GATAD2B: variants seen among roughly 807,000 people sequenced by gnomAD.
GATAD2B encodes GATA zinc finger domain containing 2B, also known as transcriptional repressor p66-beta.
GATAD2B carries 8 observed loss-of-function variants against 64.3 expected under a neutral mutation model. The observed-to-expected ratio is 0.12, with a 90% CI of 0.07 to 0.22. GATAD2B has a LOEUF of 0.22. Ranked by LOEUF, GATAD2B falls within the 10% of genes least tolerant of loss-of-function variation. GATAD2B has a pLI of 1.00. For missense variants in GATAD2B, 453 were observed against 752.0 expected, an observed-to-expected ratio of 0.60 and a Z score of 4.65; for synonymous variants, 281 against 271.3, an observed-to-expected ratio of 1.04 and a Z score of -0.35.
At chr1:153,817,072 A>G (rs1674503331) in intron 6 of GATAD2B, among the ~76,000 whole-genome samples, 1 of 152,184 alleles carries the variant, frequency 6.6e-6, no homozygotes, top group South Asian at 2.1e-4. Context: ...AGAGACAGAA[A>G]TAAGATTTTG....
rs776594136 is a variant in GATAD2B at position 153,805,318 on chromosome 1, G to A, written c.*4859C>T. ...CTGCGCTCTCCTATTTTATCACCAA[G>A]ATGGGGGAAAAGTTACACATCCTGT... is the stretch of plus-strand genomic sequence containing the variant. On this transcript the variant is annotated 3_prime_UTR_variant, in exon 11 of 11. Transcript: ENST00000368655. 7 of 152,164 alleles carry A rather than the reference G, an allele frequency of 4.6e-5. No homozygotes were observed. Among genetic ancestry groups the A allele is most frequent in the Admixed American group, 3.9e-4 (6 of 15,266 alleles). 9.4% of individuals were successfully genotyped at this position (152,164 alleles called of 1,614,324 possible).
chr1:153,836,380 A>C (rs1305281712), intron 1 of GATAD2B, among the ~76,000 whole-genome samples: 2 of 149,970 alleles, frequency 1.3e-5, no homozygotes, highest in Non-Finnish European at 3.0e-5. Flanking sequence ...CCTTCCAAGT[A>C]GCTGAGATTA....
intron 1 of GATAD2B, among the ~76,000 whole-genome samples, chr1:153,878,984 G>T (rs984722153): frequency 6.6e-6 from 1 of 151,730 alleles, no homozygotes; most frequent in East Asian, 1.9e-4. Context: ...TGTCGCCCAG[G>T]CTGAAAGTGC....
At chr1:153,839,489 T>G (rs1570947235) in intron 1 of GATAD2B, among the ~76,000 whole-genome samples, 2 of 152,272 alleles carry the variant, frequency 1.3e-5, no homozygotes, top group Non-Finnish European at 2.9e-5. Context: ...TTAGCTAGGT[T>G]GGAAAACCTC....
At chr1:153,845,950 C>G (rs932971234) in intron 1 of GATAD2B, among the ~76,000 whole-genome samples, 2 of 145,646 alleles carry the variant, frequency 1.4e-5, no homozygotes, top group Non-Finnish European at 3.0e-5. Context: ...TACCGCCCCC[C>G]CCCCGCCCCA....
intron 7 of GATAD2B, among the ~76,000 whole-genome samples, chr1:153,815,094 A>T (rs1674412271): frequency 7.0e-6 from 1 of 142,146 alleles, no homozygotes; most frequent in Non-Finnish European, 1.5e-5. Context: ...AAAAAAAAAA[A>T]AAAAAAAAAA....
chr1:153,814,800 A>C (rs1419653029), intron 7 of GATAD2B, among the ~76,000 whole-genome samples: 1 of 151,614 alleles, frequency 6.6e-6, no homozygotes, highest in Non-Finnish European at 1.5e-5. Context: ...ACATTGTGAA[A>C]CCCCGTCTCT....
intron 1 of GATAD2B, among the ~76,000 whole-genome samples, chr1:153,851,729 G>T (rs768143134): frequency 1.3e-5 from 2 of 151,960 alleles, no homozygotes; most frequent in South Asian, 2.1e-4. Flanking sequence ...CAGTAAAGAG[G>T]CCTGCTCAGA....
rs184545562 is a variant in GATAD2B, at chr1:153,861,290, G to A, written c.-1-32942C>T. Among the ~76,000 whole-genome samples, 411 of 152,168 alleles carry A rather than the reference G, an allele frequency of 2.7e-3. 4 individuals are homozygous for A. The highest frequency in any genetic ancestry group is 9.5e-3 in the African/African-American group (394 of 41,526). Reference sequence around the variant, plus strand: ...AAATAGGCCCAGGTTGGTGGCTCATGCCTGTAACCCTAGCACTCTGGAAGG... The same window carrying A: ...AAATAGGCCCAGGTTGGTGGCTCATACCTGTAACCCTAGCACTCTGGAAGG... On this transcript the variant is annotated intron_variant, in intron 1 of 10. Transcript: ENST00000368655.
At chr1:153,864,643 G>A (rs1288452199) in intron 1 of GATAD2B, among the ~76,000 whole-genome samples, 2 of 151,852 alleles carry the variant, frequency 1.3e-5, no homozygotes, top group African/African-American at 4.8e-5. Flanking sequence ...AGAAAAGAAA[G>A]AGATGAAAGA....
chr1:153,919,597 A>G (rs1678368027), intron 1 of GATAD2B, among the ~76,000 whole-genome samples: 3 of 152,210 alleles, frequency 2.0e-5, no homozygotes, highest in African/African-American at 7.2e-5. Context: ...AAACCAAATA[A>G]TATGGCTAAT....
intron 1 of GATAD2B, among the ~76,000 whole-genome samples, chr1:153,900,098 C>CAT (rs1677721635): frequency 6.6e-6 from 1 of 151,994 alleles, no homozygotes; most frequent in Non-Finnish European, 1.5e-5. Flanking sequence ...CTGCAAATGT[C>CAT]ATATATATAT....
chr1:153,913,127 C>T (rs953094842), intron 1 of GATAD2B, among the ~76,000 whole-genome samples: 2 of 151,884 alleles, frequency 1.3e-5, no homozygotes, highest in African/African-American at 4.8e-5. Context: ...AGGGTTTCAC[C>T]ACGCTGGCCA....
At chr1:153,862,515 C>T (rs910754502) in intron 1 of GATAD2B, among the ~76,000 whole-genome samples, 4 of 152,048 alleles carry the variant, frequency 2.6e-5, no homozygotes, top group Admixed American at 1.3e-4. Context: ...ACGAAAAAAT[C>T]AGTCTTCTTG....
intron 2 of GATAD2B, 112 bp from the exon 3 acceptor site, chr1:153,819,847 C>A: frequency 1.1e-6 from 1 of 872,566 alleles, no homozygotes; most frequent in South Asian, 2.2e-5. Context: ...TCCTGTAATC[C>A]TAGCACTTTG....
chr1:153,841,424 TAAC>T (rs1386973273), intron 1 of GATAD2B, among the ~76,000 whole-genome samples: 4 of 152,182 alleles, frequency 2.6e-5, no homozygotes, highest in Admixed American at 6.5e-5. Context: ...AACTGTTTTA[TAAC>T]AACATCTACC....
At chr1:153,810,975 G>C (rs1003776391) in intron 10 of GATAD2B, among the ~76,000 whole-genome samples, 11 of 152,072 alleles carry the variant, frequency 7.2e-5, no homozygotes, top group African/African-American at 2.7e-4. Context: ...ATGTTGGCCA[G>C]GGTGGTCTTG....
intron 1 of GATAD2B, among the ~76,000 whole-genome samples, chr1:153,829,620 C>T (rs1675007236): frequency 6.6e-6 from 1 of 151,774 alleles, no homozygotes; most frequent in Non-Finnish European, 1.5e-5. Context: ...GCCTGTAATC[C>T]CTGCTACTTG....
At chr1:153,858,596 C>A (rs1050020792) in intron 1 of GATAD2B, among the ~76,000 whole-genome samples, 1 of 151,904 alleles carries the variant, frequency 6.6e-6, no homozygotes, top group South Asian at 2.1e-4. Context: ...CAGAGCGAGA[C>A]CATGTCTCAT....
Sources: gnomAD v4.1 joint callset for allele counts (sites outside exome capture counted in the v4.1 genomes callset) on GRCh38, gnomAD v4.1.1 for gene constraint, MANE v1.5 for transcripts, NCBI Gene and HGNC (gene_info 2026-07-23, HGNC 2026-07-21) for gene names.